The following RCSD1 variants were observed in gnomAD, a reference collection of about 807,000 sequenced individuals.
RCSD1 encodes RCSD domain containing 1, also known as capZ-interacting protein.
Under a neutral mutation model 42.5 loss-of-function variants are expected in RCSD1, and 26 were observed. That is an observed-to-expected ratio of 0.61 (90% CI 0.45 to 0.85). The LOEUF (loss-of-function observed/expected upper bound fraction) is 0.85. RCSD1 is among the 40% of genes least tolerant of loss of function. The pLI is 0.00. For missense variants in RCSD1, 571 were observed against 528.3 expected (o/e 1.08, Z -0.79); for synonymous variants, 220 against 212.2 (o/e 1.04, Z -0.32).
intron 6 of RCSD1, 113 bp downstream of exon 6, chr1:167,697,955 C>T: frequency 8.0e-7 from 1 of 1,256,676 alleles, no homozygotes; most frequent in Non-Finnish European, 1.0e-6. Context: ...CATGCAGAAA[C>T]AAAGGTGCCA....
chr1:167,679,357 C>T (rs752852542), intron 1 of RCSD1, among the ~76,000 whole-genome samples: 25 of 152,206 alleles, frequency 1.6e-4, no homozygotes, highest in Non-Finnish European at 3.1e-4. Context: ...GTCAAATGGA[C>T]CTACCTGGTT....
intron 1 of RCSD1, among the ~76,000 whole-genome samples, chr1:167,651,663 C>A (rs1356270632): frequency 1.3e-5 from 2 of 152,228 alleles, no homozygotes; most frequent in African/African-American, 4.8e-5. Flanking sequence ...CACCTCCCTG[C>A]CTGTTCCCTG....
chr1:167,674,341 G>A (rs746958860), intron 1 of RCSD1, among the ~76,000 whole-genome samples: 6 of 152,212 alleles, frequency 3.9e-5, no homozygotes, highest in Non-Finnish European at 8.8e-5. Context: ...TGTGGGTGGA[G>A]GGTGCTGAGC....
At chr1:167,651,286 T>A (rs1658298720) in intron 1 of RCSD1, among the ~76,000 whole-genome samples, 2 of 152,126 alleles carry the variant, frequency 1.3e-5, no homozygotes, top group Non-Finnish European at 2.9e-5. Flanking sequence ...AATGGAAAAG[T>A]CACAGCAGAA....
intron 1 of RCSD1, 60 bp from the exon 2 acceptor site, chr1:167,683,840 C>G: frequency 2.0e-6 from 3 of 1,479,962 alleles, no homozygotes; most frequent in Non-Finnish European, 1.9e-6. Flanking sequence ...AAAACAGGTG[C>G]CTTGCATGGC....
chr1:167,664,951 T>C (rs933003447), intron 1 of RCSD1: 2 of 151,280 alleles, frequency 1.3e-5, no homozygotes, highest in Admixed American at 1.3e-4. Flanking sequence ...GGCACGAGAA[T>C]CTCTTGAACT....
chr1:167,668,713 G>T (rs1658721812), intron 1 of RCSD1, among the ~76,000 whole-genome samples: 1 of 147,106 alleles, frequency 6.8e-6, no homozygotes, highest in Non-Finnish European at 1.5e-5. Flanking sequence ...AATAATGAAT[G>T]AATGAATATG....
chr1:167,647,132 A>AAAAAAAAAAAAG, intron 1 of RCSD1, among the ~76,000 whole-genome samples: 1 of 151,588 alleles, frequency 6.6e-6, no homozygotes, highest in African/African-American at 2.4e-5. Flanking sequence ...CTCCATCTCA[A>AAAAAAAAAAAAG]AAAAAAAGAG....
intron 1 of RCSD1, among the ~76,000 whole-genome samples, chr1:167,662,805 G>A (rs1658568683): frequency 6.6e-6 from 1 of 152,132 alleles, no homozygotes; most frequent in South Asian, 2.1e-4. Flanking sequence ...GCAAGCGCTG[G>A]GTTTGCTTGG....
At chr1:167,674,652 G>A (rs1658896750) in intron 1 of RCSD1, among the ~76,000 whole-genome samples, 1 of 152,090 alleles carries the variant, frequency 6.6e-6, no homozygotes, top group African/African-American at 2.4e-5. Flanking sequence ...TCTCCTCTAG[G>A]CAACTATTAA....
At chr1:167,675,063 G>C (rs761452979) in intron 1 of RCSD1, among the ~76,000 whole-genome samples, 19 of 151,972 alleles carry the variant, frequency 1.3e-4, no homozygotes, top group Middle Eastern at 3.4e-3. Context: ...AAAATTAGCT[G>C]GGCCTGGTGG....
chr1:167,644,200 C>T (rs1416560492), intron 1 of RCSD1, among the ~76,000 whole-genome samples: 1 of 152,144 alleles, frequency 6.6e-6, no homozygotes. Flanking sequence ...TATGTTTTGG[C>T]TGGGCACGGT....
intron 1 of RCSD1, among the ~76,000 whole-genome samples, chr1:167,677,045 A>T (rs896468009): frequency 2.6e-5 from 4 of 152,196 alleles, no homozygotes; most frequent in Non-Finnish European, 5.9e-5. Flanking sequence ...TAAAGCCTAC[A>T]AGTGGTTAGG....
intron 5 of RCSD1, 78 bp from the exon 6 acceptor site, chr1:167,697,021 C>A: frequency 7.4e-7 from 1 of 1,344,474 alleles, no homozygotes; most frequent in Non-Finnish European, 1.0e-6. Context: ...ACCAGACTGA[C>A]ATTGAAAGTG....
At chr1:167,649,390 G>A (rs1307160481) in intron 1 of RCSD1, among the ~76,000 whole-genome samples, 5 of 152,220 alleles carry the variant, frequency 3.3e-5, no homozygotes, top group African/African-American at 9.6e-5. Context: ...CAAGGGGCTA[G>A]CCTTGACACT....
intron 1 of RCSD1, among the ~76,000 whole-genome samples, chr1:167,634,943 T>A (rs199997439): frequency 3.3e-4 from 8 of 24,456 alleles, no homozygotes; most frequent in Non-Finnish European, 6.7e-4. Context: ...ATGATGAGAG[T>A]GTGTGTGTGT....
rs1261906844 is a variant in RCSD1, at chr1:167,706,732, A to ACCC, written c.*2036_*2037insCCC. On this transcript the variant is annotated 3_prime_UTR_variant, in exon 7 of 7. Coordinates refer to ENST00000367854, the MANE Select transcript of RCSD1 (RefSeq NM_052862.4). ...CCATTCCCAGGGCTTGTTCATTAAT[A>ACCC]AAGGGGGCTCTTGGCAGGGAACTCA... Among the ~76,000 whole-genome samples, 1 of 152,168 alleles carries ACCC rather than the reference A, an allele frequency of 6.6e-6. No homozygotes were observed.
chr1:167,697,398 C>T lies in RCSD1; in HGVS notation c.774C>T (p.Ala258=). Residue 258 remains alanine, a synonymous_variant, in exon 6 of 7, where the codon GCC becomes GCT. Coordinates refer to ENST00000367854, the MANE Select transcript of RCSD1 (RefSeq NM_052862.4). ...AGGAGGACAGGGCCACAGAGGAAGCCAAGAACGGTGAAAAGGCCAGGCGGA... is the reference window on the plus strand; with the variant it reads ...AGGAGGACAGGGCCACAGAGGAAGCTAAGAACGGTGAAAAGGCCAGGCGGA... The part of the protein sequence containing the change: ...KQEEDRATEE[A]KNGEKARRSS... 6.2e-7 allele frequency: 1 copy of T among 1,613,582 alleles called. No individual in the cohort carries two copies. The highest frequency in any genetic ancestry group is 8.5e-7 in the Non-Finnish European group (1 of 1,179,812).
Position 167,708,541 on chromosome 1 carries a change from C to G in RCSD1, c.*3845C>G, listed in dbSNP as rs1419226751. Among the ~76,000 whole-genome samples the G allele has an allele frequency of 1.3e-5, 2 of 152,106 alleles. No individual in the cohort carries two copies. The highest frequency in any genetic ancestry group is 1.3e-4 in the Admixed American group (2 of 15,274). ...ATGGGATTAGGTTTCATAAGCCACC[C>G]AAGAAAATCAGTCTCATTATTTTAT... On this transcript the variant is annotated 3_prime_UTR_variant, in exon 7 of 7. Transcript: ENST00000367854.
Sources: allele counts gnomAD v4.1 joint callset (sites outside exome capture counted in the v4.1 genomes callset), GRCh38; gene constraint gnomAD v4.1.1; transcripts MANE v1.5; gene names NCBI Gene and HGNC (gene_info 2026-07-23, HGNC 2026-07-21).